GABRG2: variants seen among roughly 807,000 people sequenced by gnomAD.
GABRG2 encodes the protein gamma-aminobutyric acid receptor subunit gamma-2.
Under a neutral mutation model 56.4 loss-of-function variants are expected in GABRG2, and 16 were observed. That is an observed-to-expected ratio of 0.28 (90% CI 0.19 to 0.43). The LOEUF (loss-of-function observed/expected upper bound fraction) is 0.43. Ranked by LOEUF, GABRG2 falls within the 20% of genes least tolerant of loss-of-function variation. GABRG2 has a pLI of 1.00. For missense variants in GABRG2, 327 were observed against 582.7 expected (o/e 0.56, Z 4.52); for synonymous variants, 208 against 205.5 (o/e 1.01, Z -0.10).
intron 7 of GABRG2, among the ~76,000 whole-genome samples, chr5:162,148,038 C>T (rs1006795663): frequency 6.6e-6 from 1 of 152,112 alleles, no homozygotes; most frequent in African/African-American, 2.4e-5. Context: ...TCCATTTTGC[C>T]TTTAGTATAA....
At chr5:162,153,007 A>G in intron 9 of GABRG2, 86 bp from the exon 10 acceptor site, 1 of 1,485,250 alleles carries the variant, frequency 6.7e-7, no homozygotes, top group East Asian at 2.3e-5. Flanking sequence ...CAGATTCATC[A>G]TCACATTGGT....
intron 6 of GABRG2, among the ~76,000 whole-genome samples, chr5:162,125,132 T>C (rs1317791705): frequency 6.6e-6 from 1 of 151,762 alleles, no homozygotes; most frequent in African/African-American, 2.4e-5. Context: ...GGGACAAATA[T>C]GCTATATTCT....
intron 6 of GABRG2, among the ~76,000 whole-genome samples, chr5:162,136,474 GGGTGGT>G (rs796902762): frequency 1.3e-5 from 2 of 151,798 alleles, no homozygotes; most frequent in African/African-American, 4.8e-5. Flanking sequence ...TATGTGTGTG[GGGTGGT>G]GGTGGTGGTG....
chr5:162,129,224 A>G (rs1185092029), intron 6 of GABRG2: 1 of 152,006 alleles, frequency 6.6e-6, no homozygotes, highest in Non-Finnish European at 1.5e-5. Context: ...TTTCTACAGA[A>G]GATAAGCTAC....
Position 162,153,511 on chromosome 5 carries a change from T to C in GABRG2, c.*143T>C. Reference sequence around the variant, plus strand: ...TGTCCAAACCTGGTAAATTTTATAATGTCATATTGTTTGTGCCCAGCCCTC... The same window carrying C: ...TGTCCAAACCTGGTAAATTTTATAACGTCATATTGTTTGTGCCCAGCCCTC... On this transcript the variant is annotated 3_prime_UTR_variant, in exon 10 of 10. Coordinates refer to ENST00000639213, the MANE Select transcript of GABRG2 (RefSeq NM_198904.4). 1.9e-6 allele frequency: 2 copies of C among 1,037,126 alleles called. No individual in the cohort carries two copies. Among genetic ancestry groups the C allele is most frequent in the South Asian group, 1.3e-5 (1 of 75,284 alleles). The allele number at this position is 1,037,126 out of a possible 1,614,324, so 64.2% of individuals were successfully genotyped here. A position where few individuals can be genotyped will look rare whatever the true frequency, so the allele number is the denominator to read the frequency against.
At position 162,088,274 on chromosome 5, in the gene GABRG2, C is replaced by T. The variant is rs114746549; in HGVS notation, c.108-5554C>T. On this transcript the variant is annotated intron_variant, in intron 1 of 9. Coordinates refer to ENST00000639213, the MANE Select transcript of GABRG2 (RefSeq NM_198904.4). ...TGATCATATACTGAGTTCCCTTTGC[C>T]TTCTGAGGATGTACACTCACCTACT... Among the ~76,000 whole-genome samples the T allele has an allele frequency of 2.8e-3, 421 of 152,214 alleles. 5 individuals carry two copies. Among genetic ancestry groups the T allele is most frequent in the African/African-American group, 9.6e-3 (400 of 41,544 alleles).
At chr5:162,111,726 T>C (rs1241119074) in intron 6 of GABRG2, among the ~76,000 whole-genome samples, 1 of 152,178 alleles carries the variant, frequency 6.6e-6, no homozygotes, top group Non-Finnish European at 1.5e-5. Flanking sequence ...GCTAAGTTAT[T>C]TGTTCAAGGA....
intron 6 of GABRG2, among the ~76,000 whole-genome samples, chr5:162,105,089 C>T (rs1482356721): frequency 6.6e-6 from 1 of 152,128 alleles, no homozygotes; most frequent in Non-Finnish European, 1.5e-5. Context: ...GATTTAGTCA[C>T]AAACACCTGA....
intron 6 of GABRG2, among the ~76,000 whole-genome samples, chr5:162,136,900 GC>G (rs1764175412): frequency 6.6e-6 from 1 of 152,126 alleles, no homozygotes; most frequent in Admixed American, 6.5e-5. Flanking sequence ...GACTTTCTTG[GC>G]CTGACAACTC....
intron 1 of GABRG2, among the ~76,000 whole-genome samples, chr5:162,075,925 G>A (rs1178944249): frequency 6.6e-6 from 1 of 152,044 alleles, no homozygotes; most frequent in Non-Finnish European, 1.5e-5. Context: ...AGCTGAGGCA[G>A]GAGGATCGCT....
chr5:162,092,914 G>A (rs1760714427), intron 1 of GABRG2, among the ~76,000 whole-genome samples: 1 of 152,112 alleles, frequency 6.6e-6, no homozygotes, highest in Non-Finnish European at 1.5e-5. Flanking sequence ...GGGTGTGTGT[G>A]TTGCCCCTGG....
intron 6 of GABRG2, among the ~76,000 whole-genome samples, chr5:162,125,233 A>G (rs1581407554): frequency 6.6e-6 from 1 of 151,718 alleles, no homozygotes; most frequent in African/African-American, 2.4e-5. Context: ...ATTTATATAT[A>G]TATTTATTTC....
rs1765518232 is a variant in GABRG2, at chr5:162,153,452, C to T, written c.*84C>T. 5.6e-6 allele frequency: 8 copies of T among 1,439,360 alleles called. No homozygotes were observed. Among genetic ancestry groups the T allele is most frequent in the Non-Finnish European group, 6.8e-6 (7 of 1,023,126 alleles). 89.2% of individuals were successfully genotyped at this position (1,439,360 alleles called of 1,614,324 possible). The stretch of plus-strand genomic sequence containing the variant: ...GTTCTAAGTCCACTTAAATAATCCT[C>T]TATGTGGTTGATAATGATCTGAATC... On this transcript the variant is annotated 3_prime_UTR_variant, in exon 10 of 10. Coordinates refer to ENST00000639213, the MANE Select transcript of GABRG2 (RefSeq NM_198904.4).
At position 162,078,369 on chromosome 5, in the gene GABRG2, CTATATATA is replaced by C. The variant is rs774147866; in HGVS notation, c.107+10285_107+10292del. On this transcript the variant is annotated intron_variant, in intron 1 of 9. Coordinates refer to ENST00000639213, the MANE Select transcript of GABRG2 (RefSeq NM_198904.4). Reference sequence around the variant, plus strand: ...CAGGCATTACTTTCAGAGCATCTTACTATATATATATATATATATATATATATATTTTT... The same window carrying C: ...CAGGCATTACTTTCAGAGCATCTTACTATATATATATATATATATATTTTT... Among the ~76,000 whole-genome samples, 503 of 53,846 alleles carry C rather than the reference CTATATATA, an allele frequency of 9.3e-3. 9 individuals carry two copies. Among genetic ancestry groups the C allele is most frequent in the African/African-American group, 0.015 (185 of 12,348 alleles). 35.3% of individuals were successfully genotyped at this position (53,846 alleles called of 152,430 possible). A position where few individuals can be genotyped will look rare whatever the true frequency, so the allele number is the denominator to read the frequency against.
chr5:162,086,490 C>G (rs781583145), intron 1 of GABRG2, among the ~76,000 whole-genome samples: 1 of 151,984 alleles, frequency 6.6e-6, no homozygotes, highest in Non-Finnish European at 1.5e-5. Flanking sequence ...TAAAATATAA[C>G]TCAATGCATT....
chr5:162,097,865 T>G lies in GABRG2; in HGVS notation c.548+7T>G. The G allele has an allele frequency of 1.2e-6, 2 of 1,609,778 alleles. No individual in the cohort carries two copies. The highest frequency in any genetic ancestry group is 1.7e-6 in the Non-Finnish European group (2 of 1,176,356). On this transcript the variant is annotated splice_region_variant and intron_variant, in intron 4 of 9. Transcript: ENST00000639213. ...GAGTGCTCTACACCCTAAGGTATTC[T>G]TTTGCAAAAGGAAAGGAGTAATTGT...
At chr5:162,148,458 G>A (rs1389454669) in intron 7 of GABRG2, among the ~76,000 whole-genome samples, 1 of 152,152 alleles carries the variant, frequency 6.6e-6, no homozygotes, top group African/African-American at 2.4e-5. Context: ...CCATCAATCA[G>A]AGCATGTCAC....
intron 6 of GABRG2, among the ~76,000 whole-genome samples, chr5:162,112,872 C>T (rs1234973738): frequency 6.6e-6 from 1 of 151,992 alleles, no homozygotes; most frequent in Non-Finnish European, 1.5e-5. Flanking sequence ...TAGTAAAACC[C>T]CAAGGAAAAA....
chr5:162,134,494 C>T (rs370697434), intron 6 of GABRG2, among the ~76,000 whole-genome samples: 1 of 152,138 alleles, frequency 6.6e-6, no homozygotes, highest in Non-Finnish European at 1.5e-5. Context: ...TTCACAATAT[C>T]ACTGTGAAGT....
Sources: gnomAD v4.1 joint callset for allele counts (sites outside exome capture counted in the v4.1 genomes callset) on GRCh38, gnomAD v4.1.1 for gene constraint, MANE v1.5 for transcripts, NCBI Gene and HGNC (gene_info 2026-07-23, HGNC 2026-07-21) for gene names.